The following ZDHHC14 variants were observed in gnomAD, a reference collection of about 807,000 sequenced individuals.
ZDHHC14 encodes zDHHC palmitoyltransferase 14, also known as palmitoyltransferase ZDHHC14.
A neutral mutation model predicts 47.7 loss-of-function variants in ZDHHC14; 16 were observed. The observed-to-expected ratio is 0.34, with a 90% CI of 0.23 to 0.51. The LOEUF is 0.51. ZDHHC14 is among the 20% of genes least tolerant of loss of function. ZDHHC14 has a pLI of 0.97. For synonymous variants in ZDHHC14, 293 were observed against 278.9 expected (o/e 1.05, Z -0.50); for missense variants, 515 against 662.5 (o/e 0.78, Z 2.44).
intron 3 of ZDHHC14, among the ~76,000 whole-genome samples, chr6:157,598,007 G>C (rs1458148898): frequency 6.6e-6 from 1 of 152,126 alleles, no homozygotes; most frequent in Non-Finnish European, 1.5e-5. Flanking sequence ...TCCTCTCCCG[G>C]GCACTTGACT....
At chr6:157,548,556 C>T (rs992112235) in intron 2 of ZDHHC14, among the ~76,000 whole-genome samples, 5 of 152,240 alleles carry the variant, frequency 3.3e-5, no homozygotes, top group East Asian at 1.9e-4. Context: ...AAGCAATTCT[C>T]CTGCCTCAGC....
chr6:157,455,360 A>G (rs1407578675), intron 1 of ZDHHC14, among the ~76,000 whole-genome samples: 1 of 152,230 alleles, frequency 6.6e-6, no homozygotes, highest in Non-Finnish European at 1.5e-5. Flanking sequence ...CTGAGAAAAG[A>G]CAAAAGCAGG....
chr6:157,436,310 C>T (rs1778438894), intron 1 of ZDHHC14, among the ~76,000 whole-genome samples: 2 of 152,156 alleles, frequency 1.3e-5, no homozygotes, highest in Non-Finnish European at 2.9e-5. Context: ...AACATAAGAT[C>T]TGTCAAATGC....
At chr6:157,560,361 C>A (rs564705941) in intron 2 of ZDHHC14, among the ~76,000 whole-genome samples, 49 of 152,324 alleles carry the variant, frequency 3.2e-4, no homozygotes, top group South Asian at 2.1e-3. Flanking sequence ...CCAACCACCA[C>A]GTCCTCGTGA....
chr6:157,648,915 G>A (rs948844378), intron 7 of ZDHHC14, among the ~76,000 whole-genome samples: 7 of 152,312 alleles, frequency 4.6e-5, no homozygotes, highest in African/African-American at 1.7e-4. Flanking sequence ...GCGTGTGTGG[G>A]TCTAAGAGAG....
chr6:157,496,663 G>A (rs1175383322), intron 1 of ZDHHC14, among the ~76,000 whole-genome samples: 2 of 152,162 alleles, frequency 1.3e-5, no homozygotes, highest in Admixed American at 6.5e-5. Flanking sequence ...ACAATGCCAG[G>A]AATTGCTGGC....
At chr6:157,583,508 C>T (rs1309274574) in intron 2 of ZDHHC14, among the ~76,000 whole-genome samples, 5 of 150,598 alleles carry the variant, frequency 3.3e-5, no homozygotes, top group South Asian at 4.2e-4. Flanking sequence ...TTTGTTGGTT[C>T]GTTTGTTTTG....
chr6:157,503,758 G>T (rs146354161), intron 1 of ZDHHC14, among the ~76,000 whole-genome samples: 1 of 152,244 alleles, frequency 6.6e-6, no homozygotes, highest in East Asian at 1.9e-4. Context: ...TGTAAATTAG[G>T]ATCACAGTGA....
intron 1 of ZDHHC14, among the ~76,000 whole-genome samples, chr6:157,542,102 C>T (rs557490271): frequency 5.1e-4 from 78 of 152,242 alleles, no homozygotes; most frequent in African/African-American, 1.7e-3. Context: ...CAGTCCTCAG[C>T]GTTTGGTGCT....
At chr6:157,517,288 C>A (rs1780726577) in intron 1 of ZDHHC14, among the ~76,000 whole-genome samples, 1 of 151,842 alleles carries the variant, frequency 6.6e-6, no homozygotes, top group Admixed American at 6.6e-5. Context: ...GGACACAGTA[C>A]CCCCACTAAA....
intron 1 of ZDHHC14, among the ~76,000 whole-genome samples, chr6:157,411,445 T>C (rs1468935048): frequency 6.6e-6 from 1 of 152,060 alleles, no homozygotes; most frequent in African/African-American, 2.4e-5. Context: ...TAAGGATATA[T>C]CAAATAAACA....
intron 1 of ZDHHC14, among the ~76,000 whole-genome samples, chr6:157,491,627 A>G (rs1779918564): frequency 6.6e-6 from 1 of 152,234 alleles, no homozygotes; most frequent in Admixed American, 6.5e-5. Flanking sequence ...ATTAAAATTT[A>G]ATTTGTTAAA....
At chr6:157,391,931 C>T (rs1777426573) in intron 1 of ZDHHC14, among the ~76,000 whole-genome samples, 1 of 152,164 alleles carries the variant, frequency 6.6e-6, no homozygotes, top group Non-Finnish European at 1.5e-5. Context: ...ATTTTTACTG[C>T]TGTAGGATTT....
intron 1 of ZDHHC14, among the ~76,000 whole-genome samples, chr6:157,514,033 G>A (rs971846765): frequency 6.6e-6 from 1 of 152,102 alleles, no homozygotes; most frequent in Non-Finnish European, 1.5e-5. Flanking sequence ...GAGGCTGGCT[G>A]GTCCCTCCTG....
intron 1 of ZDHHC14, among the ~76,000 whole-genome samples, chr6:157,408,912 A>G (rs1277527522): frequency 6.6e-6 from 1 of 152,132 alleles, no homozygotes; most frequent in African/African-American, 2.4e-5. Flanking sequence ...TAATTTCCTT[A>G]TTCCCTAGGA....
rs1276397993 is a variant in ZDHHC14, at chr6:157,672,900, G to A, written c.1245G>A (p.Met415Ile). The change falls in exon 9 of 9, where the codon ATG (methionine) becomes ATA (isoleucine). Residue 415 changes from methionine to isoleucine, a missense_variant. Met to Ile is a conservative substitution (Grantham distance 10). Transcript: ENST00000359775. ...TLGPPTPPAS[M>I]PNLAEATLAD... ...GCCCGCCCACACCGCCCGCCTCCATGCCCAACCTCGCCGAGGCCACGCTCG... is the reference window on the plus strand; with the variant it reads ...GCCCGCCCACACCGCCCGCCTCCATACCCAACCTCGCCGAGGCCACGCTCG... 23 of 1,605,096 alleles carry A rather than the reference G, an allele frequency of 1.4e-5. No individual in the cohort carries two copies. Among genetic ancestry groups the A allele is most frequent in the Non-Finnish European group, 2.0e-5 (23 of 1,177,304 alleles).
chr6:157,496,049 C>T (rs1308156242), intron 1 of ZDHHC14, among the ~76,000 whole-genome samples: 1 of 152,174 alleles, frequency 6.6e-6, no homozygotes, highest in African/African-American at 2.4e-5. Flanking sequence ...TCATAAAGCA[C>T]ATTTCTTTAC....
At chr6:157,511,959 G>T (rs976995028) in intron 1 of ZDHHC14, among the ~76,000 whole-genome samples, 1 of 152,120 alleles carries the variant, frequency 6.6e-6, no homozygotes, top group African/African-American at 2.4e-5. Flanking sequence ...CTGCTCAGTG[G>T]TCTTGATTTC....
At chr6:157,440,820 A>T (rs1778547296) in intron 1 of ZDHHC14, among the ~76,000 whole-genome samples, 1 of 152,264 alleles carries the variant, frequency 6.6e-6, no homozygotes, top group Admixed American at 6.5e-5. Context: ...CACATATTTT[A>T]TGGGAAGTGA....
Sources: allele counts gnomAD v4.1 joint callset (sites outside exome capture counted in the v4.1 genomes callset), GRCh38; gene constraint gnomAD v4.1.1; transcripts MANE v1.5; gene names NCBI Gene and HGNC (gene_info 2026-07-23, HGNC 2026-07-21).